PALM2AKAP2: variants seen among roughly 807,000 people sequenced by gnomAD.
PALM2AKAP2 encodes PALM2-AKAP2 fusion protein.
A neutral mutation model predicts 71.5 loss-of-function variants in PALM2AKAP2; 37 were observed. That is an observed-to-expected ratio of 0.52 (90% CI 0.40 to 0.68). The LOEUF (loss-of-function observed/expected upper bound fraction) is 0.68. Among genes scored for constraint, PALM2AKAP2 ranks in the 30% least tolerant of loss-of-function variants. The pLI is 0.00. For synonymous variants in PALM2AKAP2, 468 were observed against 478.8 expected (o/e 0.98, Z 0.29); for missense variants, 1,224 against 1,191.8 (o/e 1.03, Z -0.40).
At chr9:109,959,890 T>C (rs960577071) in intron 6 of PALM2AKAP2, among the ~76,000 whole-genome samples, 3 of 152,032 alleles carry the variant, frequency 2.0e-5, no homozygotes, top group Non-Finnish European at 2.9e-5. Flanking sequence ...GAAACTCTCA[T>C]TGTGAGCGTA....
intron 1 of PALM2AKAP2, among the ~76,000 whole-genome samples, chr9:110,053,527 C>CAAAAAAAAAAAAAGA (rs1833757067): frequency 1.2e-5 from 1 of 82,876 alleles, no homozygotes; most frequent in African/African-American, 4.6e-5. Flanking sequence ...AACTCTGTCT[C>CAAAAAAAAAAAAAGA]AAAAAAAAAA....
chr9:109,774,652 T>TA (rs1829323779), intron 1 of PALM2AKAP2, among the ~76,000 whole-genome samples: 1 of 151,328 alleles, frequency 6.6e-6, no homozygotes, highest in African/African-American at 2.4e-5. Context: ...AGAATACCGA[T>TA]AGCTCAACCC....
At position 110,064,482 on chromosome 9, in the gene PALM2AKAP2, C is replaced by T. The variant is rs554966733; in HGVS notation, c.156+15627C>T. Among the ~76,000 whole-genome samples the T allele has an allele frequency of 2.6e-5, 4 of 152,306 alleles. No homozygotes were observed. The East Asian group carries it at 5.8e-4, about 22-fold the overall frequency. On this transcript the variant is annotated intron_variant, in intron 1 of 3. Transcript: ENST00000374525. ...TGAGTCCAGGAACGATGGCTCACGC[C>T]TGTAATCCCAGAACATTGGAAGGCT...
chr9:109,987,767 A>G (rs1285414268), intron 6 of PALM2AKAP2, among the ~76,000 whole-genome samples: 1 of 152,094 alleles, frequency 6.6e-6, no homozygotes, highest in African/African-American at 2.4e-5. Context: ...TCTTTGGGGG[A>G]ACATCTCTGT....
At chr9:109,909,937 A>G (rs1830532267) in intron 3 of PALM2AKAP2, among the ~76,000 whole-genome samples, 1 of 152,178 alleles carries the variant, frequency 6.6e-6, no homozygotes. Flanking sequence ...GGTTTTCAGC[A>G]GGGGAGTGCT....
intron 1 of PALM2AKAP2, among the ~76,000 whole-genome samples, chr9:110,100,404 G>T (rs915351549): frequency 2.0e-5 from 3 of 152,054 alleles, no homozygotes; most frequent in Admixed American, 1.3e-4. Context: ...AGCAACAGAG[G>T]TGGCTTATCA....
intron 1 of PALM2AKAP2, among the ~76,000 whole-genome samples, chr9:109,714,631 C>A (rs367636736): frequency 1.1e-3 from 169 of 152,228 alleles, no homozygotes; most frequent in African/African-American, 3.3e-3. Flanking sequence ...CTAGCTGATC[C>A]AACAAAGATA....
intron 6 of PALM2AKAP2, among the ~76,000 whole-genome samples, chr9:109,969,820 C>G (rs1832031503): frequency 6.6e-6 from 1 of 152,098 alleles, no homozygotes; most frequent in Non-Finnish European, 1.5e-5. Flanking sequence ...ACAGCCCCTC[C>G]CCTCTACTGC....
chr9:109,723,588 T>C (rs1828434741), intron 1 of PALM2AKAP2, among the ~76,000 whole-genome samples: 1 of 152,212 alleles, frequency 6.6e-6, no homozygotes, highest in African/African-American at 2.4e-5. Context: ...GCTAAGGGGA[T>C]ACTGTCCTTG....
intron 1 of PALM2AKAP2, among the ~76,000 whole-genome samples, chr9:110,056,982 C>G (rs1198571017): frequency 6.6e-6 from 1 of 152,200 alleles, no homozygotes; most frequent in Non-Finnish European, 1.5e-5. Flanking sequence ...CCTTTCCACT[C>G]ACCATTCATA....
chr9:110,057,513 T>C (rs967481477), intron 1 of PALM2AKAP2, among the ~76,000 whole-genome samples: 1 of 152,092 alleles, frequency 6.6e-6, no homozygotes, highest in Admixed American at 6.6e-5. Context: ...TGAGTAGCTG[T>C]GTCTACAGGC....
chr9:110,055,256 C>T (rs375378864), intron 1 of PALM2AKAP2, among the ~76,000 whole-genome samples: 16 of 151,724 alleles, frequency 1.1e-4, no homozygotes, highest in Non-Finnish European at 2.1e-4. Context: ...AGTGCAGTGG[C>T]GCAATCTCAG....
chr9:109,912,655 G>T (rs1250624925), intron 3 of PALM2AKAP2, among the ~76,000 whole-genome samples: 2 of 152,142 alleles, frequency 1.3e-5, no homozygotes, highest in Non-Finnish European at 2.9e-5. Flanking sequence ...TGAAATGGAG[G>T]TATTAAGATA....
intron 3 of PALM2AKAP2, among the ~76,000 whole-genome samples, chr9:109,904,378 A>G (rs959003257): frequency 2.6e-5 from 4 of 152,176 alleles, no homozygotes; most frequent in African/African-American, 4.8e-5. Flanking sequence ...GCATTACACA[A>G]ATGTTGTTAT....
intron 6 of PALM2AKAP2, among the ~76,000 whole-genome samples, chr9:110,009,694 A>G (rs551103584): frequency 6.6e-6 from 1 of 150,586 alleles, no homozygotes; most frequent in South Asian, 2.1e-4. Context: ...AGCCTGGGCA[A>G]CAAAGTGAGA....
chr9:109,775,314 A>G (rs940389229), upstream of PALM2AKAP2, among the ~76,000 whole-genome samples: 2 of 152,216 alleles, frequency 1.3e-5, no homozygotes, highest in Non-Finnish European at 2.9e-5. Flanking sequence ...CTATGTAAAG[A>G]CCTTAGCCAC....
intron 1 of PALM2AKAP2, among the ~76,000 whole-genome samples, chr9:109,701,237 A>C (rs78835415): frequency 0.2 from 30,645 of 152,108 alleles, 3,449 homozygotes; most frequent in East Asian, 0.37. Context: ...GAATTGGAAA[A>C]AACTACTTTA....
chr9:109,892,709 C>T (rs994603498), intron 3 of PALM2AKAP2, among the ~76,000 whole-genome samples: 6 of 152,086 alleles, frequency 3.9e-5, no homozygotes, highest in African/African-American at 1.2e-4. Context: ...AGTTCAGAAT[C>T]TCTGCTTGCT....
At chr9:109,713,240 G>A (rs1312294516) in intron 1 of PALM2AKAP2, among the ~76,000 whole-genome samples, 2 of 152,150 alleles carry the variant, frequency 1.3e-5, no homozygotes, top group Non-Finnish European at 2.9e-5. Flanking sequence ...ACACTTGGAG[G>A]CAGCAAGTCT....
Sources: allele counts gnomAD v4.1 joint callset (sites outside exome capture counted in the v4.1 genomes callset), GRCh38; gene constraint gnomAD v4.1.1; transcripts MANE v1.5; gene names NCBI Gene and HGNC (gene_info 2026-07-23, HGNC 2026-07-21).